Variants in KDM2A observed in about 807,000 individuals in gnomAD.
The protein encoded by KDM2A is lysine-specific demethylase 2A.
KDM2A carries 3 observed loss-of-function variants against 137.3 expected under a neutral mutation model. The ratio of observed to expected loss-of-function variants is 0.02; its 90% CI spans 0.01 to 0.06. The LOEUF (loss-of-function observed/expected upper bound fraction) is 0.06. KDM2A is among the 10% of genes least tolerant of loss of function. The probability of loss-of-function intolerance (pLI) is 1.00; values close to 1 mark genes in which losing one functional copy is unlikely to be tolerated. For synonymous variants in KDM2A, 512 were observed against 541.5 expected, an observed-to-expected ratio of 0.95 and a Z score of 0.76; for missense variants, 738 against 1,510.6, an observed-to-expected ratio of 0.49 and a Z score of 8.48.
chr11:67,203,360 A>C (rs561400225), intron 5 of KDM2A, among the ~76,000 whole-genome samples: 27 of 151,244 alleles, frequency 1.8e-4, no homozygotes, highest in African/African-American at 6.5e-4. Flanking sequence ...CTGAACCCAC[A>C]ATATCTCCAA....
intron 2 of KDM2A, among the ~76,000 whole-genome samples, chr11:67,153,018 C>G (rs1308458574): frequency 6.7e-6 from 1 of 150,228 alleles, no homozygotes; most frequent in African/African-American, 2.5e-5. Flanking sequence ...GCGTTTCACT[C>G]TTTCTGCCCA....
At chr11:67,176,250 C>G (rs965482141) in intron 2 of KDM2A, among the ~76,000 whole-genome samples, 5 of 152,078 alleles carry the variant, frequency 3.3e-5, no homozygotes, top group African/African-American at 9.7e-5. Context: ...TTATTTCTTT[C>G]ATTTTTTATG....
chr11:67,133,015 T>A (rs1471098241), intron 2 of KDM2A, among the ~76,000 whole-genome samples: 1 of 152,236 alleles, frequency 6.6e-6, no homozygotes, highest in Non-Finnish European at 1.5e-5. Context: ...AGCAGCATGT[T>A]ATGATAGAGA....
chr11:67,145,983 G>GTTTTGTTTTT (rs200212765), intron 2 of KDM2A, among the ~76,000 whole-genome samples: 21 of 135,128 alleles, frequency 1.6e-4, no homozygotes, highest in African/African-American at 6.0e-4. Context: ...CCCGTTTTTT[G>GTTTTGTTTTT]TTTTGTTTTT....
At position 67,123,114 on chromosome 11, in the gene KDM2A, C is replaced by T. The variant is rs1423171842; in HGVS notation, c.42+1756C>T. Among the ~76,000 whole-genome samples the T allele has an allele frequency of 2.6e-5, 4 of 151,972 alleles. No homozygotes were observed. In the East Asian group the frequency reaches 5.8e-4, roughly 22 times the overall value. ...CCTCCTGAGTAGCTGGGACTACAGGCGTGTGCCACCATGCCAGGGTAATTT... is the reference window on the plus strand; with the variant it reads ...CCTCCTGAGTAGCTGGGACTACAGGTGTGTGCCACCATGCCAGGGTAATTT... On this transcript the variant is annotated intron_variant, in intron 2 of 20. Coordinates refer to ENST00000529006, the MANE Select transcript of KDM2A (RefSeq NM_012308.3).
At chr11:67,158,237 C>T (rs992242680) in intron 2 of KDM2A, among the ~76,000 whole-genome samples, 9 of 152,128 alleles carry the variant, frequency 5.9e-5, no homozygotes, top group African/African-American at 2.2e-4. Flanking sequence ...ATGGTTCCTC[C>T]ATGTCTCTTT....
chr11:67,171,111 A>G (rs1856872742), intron 2 of KDM2A, among the ~76,000 whole-genome samples: 2 of 151,978 alleles, frequency 1.3e-5, no homozygotes, highest in Admixed American at 6.6e-5. Flanking sequence ...AAACATTTAG[A>G]CTCCTTTGTG....
chr11:67,160,739 C>G (rs1295732922), intron 2 of KDM2A, among the ~76,000 whole-genome samples: 1 of 151,938 alleles, frequency 6.6e-6, no homozygotes, highest in Non-Finnish European at 1.5e-5. Flanking sequence ...CCATTGCACG[C>G]CAGCCTGGGC....
In KDM2A at chr11:67,192,775, A is replaced by G. The variant is rs532140384; in HGVS notation, c.307+10883A>G. On this transcript the variant is annotated intron_variant, in intron 5 of 20. Transcript: ENST00000529006. ...TTCTTGTCTTACAAATAATGCTACA[A>G]TGAAGGTTTATAAATTTCTTCTTGG... Among the ~76,000 whole-genome samples, 11 of 152,002 alleles carry G rather than the reference A, an allele frequency of 7.2e-5. No individual in the cohort carries two copies. In the East Asian group the frequency reaches 1.7e-3, roughly 24 times the overall value.
At chr11:67,136,100 A>G (rs1332166226) in intron 2 of KDM2A, among the ~76,000 whole-genome samples, 1 of 152,222 alleles carries the variant, frequency 6.6e-6, no homozygotes, top group Non-Finnish European at 1.5e-5. Flanking sequence ...ATTTGAAAGT[A>G]GGAGATAAAA....
At chr11:67,168,136 A>AT (rs982557021) in intron 2 of KDM2A, among the ~76,000 whole-genome samples, 3 of 152,146 alleles carry the variant, frequency 2.0e-5, no homozygotes, top group Non-Finnish European at 4.4e-5. Context: ...TATATATCTT[A>AT]TTAATAAGGA....
intron 2 of KDM2A, among the ~76,000 whole-genome samples, chr11:67,131,332 T>A (rs954857508): frequency 1.3e-5 from 2 of 151,178 alleles, no homozygotes; most frequent in African/African-American, 4.9e-5. Context: ...CTCAAAAAAA[T>A]AATAATAATA....
At chr11:67,212,859 C>T (rs1158180405) in intron 6 of KDM2A, among the ~76,000 whole-genome samples, 1 of 151,942 alleles carries the variant, frequency 6.6e-6, no homozygotes, top group Admixed American at 6.6e-5. Context: ...GCGTATTAAG[C>T]AAGTACTTTA....
At position 67,245,198 on chromosome 11, in the gene KDM2A, C is replaced by T. The variant is rs757908073; in HGVS notation, c.1573C>T (p.Pro525Ser). 3.7e-6 allele frequency: 6 copies of T among 1,612,756 alleles called. No homozygotes were observed. Among genetic ancestry groups the T allele is most frequent in the Non-Finnish European group, 5.1e-6 (6 of 1,178,912 alleles). Residue 525 changes from proline to serine, a missense_variant, in exon 14 of 21, where the codon CCC (proline) becomes TCC (serine). This residue lies in a region of KDM2A where 71 missense variants were observed against 147.9 expected (regional missense o/e 0.48). Transcript: ENST00000529006. This position sits in a 1 kb window ranked among gnomAD's most constrained non-coding sequence, Gnocchi z 4.1. Reference protein sequence around the residue: ...QWPKRDKLKFPTRPKVRVPTI... With the variant: ...QWPKRDKLKFSTRPKVRVPTI... ...TGCTTTCTCTTTCCAGCTTAAATTCCCCACTCGGCCAAAGGTGCGGGTTCC... is the reference window on the plus strand; with the variant it reads ...TGCTTTCTCTTTCCAGCTTAAATTCTCCACTCGGCCAAAGGTGCGGGTTCC...
chr11:67,123,369 C>G (rs1264863625), intron 2 of KDM2A, among the ~76,000 whole-genome samples: 6 of 147,700 alleles, frequency 4.1e-5, no homozygotes, highest in African/African-American at 1.5e-4. Flanking sequence ...TCCGGTGAGC[C>G]TAATTTCAGA....
chr11:67,211,449 A>T (rs1857978931), intron 6 of KDM2A, among the ~76,000 whole-genome samples: 1 of 151,916 alleles, frequency 6.6e-6, no homozygotes, highest in Admixed American at 6.6e-5. Context: ...CCCCGCCTCT[A>T]CTAAAAATAC....
chr11:67,177,809 T>A (rs937057470), intron 2 of KDM2A, among the ~76,000 whole-genome samples: 2 of 152,168 alleles, frequency 1.3e-5, no homozygotes, highest in Non-Finnish European at 2.9e-5. Flanking sequence ...TTCCTAACAG[T>A]ATGTGCTACA....
intron 12 of KDM2A, chr11:67,239,980 A>G (rs986154681): frequency 2.6e-6 from 3 of 1,138,200 alleles, no homozygotes; most frequent in Non-Finnish European, 3.4e-6. Context: ...CCGGCTCTGC[A>G]GCAGAACGGC....
chr11:67,139,230 T>C (rs1343585904), intron 2 of KDM2A, among the ~76,000 whole-genome samples: 1 of 139,012 alleles, frequency 7.2e-6, no homozygotes, highest in African/African-American at 2.9e-5. Flanking sequence ...AGATTGCTAC[T>C]TTTTTTTTTT....
Sources: gnomAD v4.1 joint callset for allele counts (sites outside exome capture counted in the v4.1 genomes callset) on GRCh38, gnomAD v4.1.1 for gene constraint, gnomAD v4.1.1 regional missense constraint, Gnocchi (gnomAD v3.1) non-coding constraint, MANE v1.5 for transcripts, NCBI Gene and HGNC (gene_info 2026-07-23, HGNC 2026-07-21) for gene names.